The following MEGF11 variants were observed in gnomAD, a reference collection of about 807,000 sequenced individuals.
MEGF11 encodes the protein multiple EGF like domains 11.
MEGF11 carries 126 observed loss-of-function variants against 146.6 expected under a neutral mutation model. That is an observed-to-expected ratio of 0.86 (90% CI 0.74 to 1.00). MEGF11 has a LOEUF of 1.00. MEGF11 is among the 50% of genes least tolerant of loss of function. The pLI, the probability that MEGF11 is intolerant of heterozygous loss-of-function variation, is 0.00. For synonymous variants in MEGF11, 532 were observed against 583.4 expected (o/e 0.91, Z 1.27); for missense variants, 1,509 against 1,521.2 (o/e 0.99, Z 0.13).
intron 25 of MEGF11, chr15:65,898,309 T>A: frequency 1.0e-6 from 1 of 985,440 alleles, no homozygotes; most frequent in African/African-American, 1.7e-5. Flanking sequence ...CCAAAGGATT[T>A]AAAATATCCT....
chr15:65,932,847 C>T (rs780162119), intron 10 of MEGF11, among the ~76,000 whole-genome samples: 8 of 152,028 alleles, frequency 5.3e-5, no homozygotes, highest in African/African-American at 1.2e-4. Context: ...CTAAGCTTTC[C>T]GTGGGAATCC....
At chr15:66,120,461 A>G (rs2087968152) in intron 3 of MEGF11, among the ~76,000 whole-genome samples, 1 of 152,196 alleles carries the variant, frequency 6.6e-6, no homozygotes, top group South Asian at 2.1e-4. Flanking sequence ...CTTCCTCAGC[A>G]GCACAGCAGC....
At chr15:66,085,345 G>A (rs942434451) in intron 5 of MEGF11, among the ~76,000 whole-genome samples, 2 of 152,144 alleles carry the variant, frequency 1.3e-5, no homozygotes, top group Admixed American at 6.5e-5. Context: ...TCTGGAAAGC[G>A]CCACCTCCTG....
At chr15:66,141,105 G>T (rs1396038134) in intron 1 of MEGF11, among the ~76,000 whole-genome samples, 1 of 152,104 alleles carries the variant, frequency 6.6e-6, no homozygotes, top group Admixed American at 6.5e-5. Flanking sequence ...ACTCCATCAA[G>T]TAGGCATTAT....
chr15:65,995,795 G>A (rs1451212418), intron 5 of MEGF11, among the ~76,000 whole-genome samples: 2 of 152,200 alleles, frequency 1.3e-5, no homozygotes, highest in South Asian at 4.1e-4. Context: ...AGAGCAGGGT[G>A]CCCACCAGCT....
intron 5 of MEGF11, among the ~76,000 whole-genome samples, chr15:66,017,086 CA>C (rs760262540): frequency 5.3e-5 from 8 of 152,206 alleles, no homozygotes; most frequent in Non-Finnish European, 8.8e-5. Flanking sequence ...GCTGGAGAAG[CA>C]CAGCCCGGGT....
At chr15:66,153,731 G>T (rs1454448482) in intron 1 of MEGF11, among the ~76,000 whole-genome samples, 1 of 152,194 alleles carries the variant, frequency 6.6e-6, no homozygotes, top group Non-Finnish European at 1.5e-5. Flanking sequence ...CCAGAGCATG[G>T]CAAGTGATAG....
intron 13 of MEGF11, among the ~76,000 whole-genome samples, chr15:65,927,547 A>G (rs2079414641): frequency 6.6e-6 from 1 of 152,122 alleles, no homozygotes; most frequent in East Asian, 1.9e-4. Context: ...TAATAAAGGG[A>G]GTGCTTTTGT....
At chr15:66,114,369 C>T (rs1456200039) in intron 4 of MEGF11, among the ~76,000 whole-genome samples, 3 of 152,144 alleles carry the variant, frequency 2.0e-5, no homozygotes, top group African/African-American at 2.4e-5. Context: ...AGCTAGCCCA[C>T]GGCGGACACC....
intron 1 of MEGF11, among the ~76,000 whole-genome samples, chr15:66,244,669 G>A (rs575738644): frequency 6.6e-6 from 1 of 152,134 alleles, no homozygotes; most frequent in African/African-American, 2.4e-5. Context: ...TCACAGGGTG[G>A]TTACCAGGCT....
At chr15:66,065,524 C>G (rs919869819) in intron 5 of MEGF11, among the ~76,000 whole-genome samples, 2 of 152,130 alleles carry the variant, frequency 1.3e-5, no homozygotes, top group African/African-American at 2.4e-5. Context: ...TAGCGTTTCC[C>G]TTGTGGAGAC....
intron 8 of MEGF11, among the ~76,000 whole-genome samples, chr15:65,966,439 G>A (rs140857779): frequency 9.8e-5 from 15 of 152,348 alleles, no homozygotes; most frequent in Non-Finnish European, 1.9e-4. Context: ...ATGAAATGGG[G>A]TGATTTTGTT....
At chr15:66,081,336 A>G (rs2085846186) in intron 5 of MEGF11, among the ~76,000 whole-genome samples, 2 of 152,204 alleles carry the variant, frequency 1.3e-5, no homozygotes, top group South Asian at 4.1e-4. Flanking sequence ...GAAATAAAAC[A>G]TCATGAGCTG....
intron 1 of MEGF11, among the ~76,000 whole-genome samples, chr15:66,178,752 AC>A (rs1409413865): frequency 1.3e-5 from 2 of 151,908 alleles, no homozygotes; most frequent in Admixed American, 6.6e-5. Flanking sequence ...AGAGGGACCA[AC>A]CCCTTGCCTG....
chr15:66,157,518 C>T (rs1238769828), intron 1 of MEGF11, among the ~76,000 whole-genome samples: 1 of 152,202 alleles, frequency 6.6e-6, no homozygotes, highest in Non-Finnish European at 1.5e-5. Context: ...ATGTACAAGG[C>T]TTTGTGCCAG....
At chr15:66,110,840 A>C (rs1308987893) in intron 4 of MEGF11, among the ~76,000 whole-genome samples, 1 of 151,278 alleles carries the variant, frequency 6.6e-6, no homozygotes, top group Non-Finnish European at 1.5e-5. Flanking sequence ...CCTTTCCTCC[A>C]CCCCCCATGC....
chr15:66,150,063 G>A (rs2089507496), intron 1 of MEGF11, among the ~76,000 whole-genome samples: 1 of 152,212 alleles, frequency 6.6e-6, no homozygotes, highest in African/African-American at 2.4e-5. Context: ...CTGAGTCAGA[G>A]CTGTGGCGGG....
intron 10 of MEGF11, among the ~76,000 whole-genome samples, chr15:65,953,903 C>T (rs113544398): frequency 1.1e-3 from 165 of 152,142 alleles, no homozygotes; most frequent in Non-Finnish European, 1.7e-3. Context: ...ATGTTGAGCC[C>T]GAGACCATTC....
At chr15:66,058,250 G>C (rs1380657986) in intron 5 of MEGF11, among the ~76,000 whole-genome samples, 1 of 152,106 alleles carries the variant, frequency 6.6e-6, no homozygotes, top group Non-Finnish European at 1.5e-5. Context: ...GCAGTAAATG[G>C]ATAATATCAG....
Sources: gnomAD v4.1 joint callset for allele counts (sites outside exome capture counted in the v4.1 genomes callset) on GRCh38, gnomAD v4.1.1 for gene constraint, MANE v1.5 for transcripts, NCBI Gene and HGNC (gene_info 2026-07-23, HGNC 2026-07-21) for gene names.